WNT16: variants seen among roughly 807,000 people sequenced by gnomAD.
WNT16 encodes Wnt family member 16, also known as protein Wnt-16.
WNT16 carries 20 observed loss-of-function variants against 35.4 expected under a neutral mutation model. That is an observed-to-expected ratio of 0.56 (90% CI 0.40 to 0.82). The LOEUF (loss-of-function observed/expected upper bound fraction) is 0.82. Among genes scored for constraint, WNT16 ranks in the 40% least tolerant of loss-of-function variants. WNT16 has a pLI of 0.00. For synonymous variants in WNT16, 180 were observed against 179.2 expected, an observed-to-expected ratio of 1.00 and a Z score of -0.03; for missense variants, 461 against 466.0, an observed-to-expected ratio of 0.99 and a Z score of 0.10.
chr7:121,335,733 A>G (rs965044242), intron 3 of WNT16, among the ~76,000 whole-genome samples: 2 of 151,958 alleles, frequency 1.3e-5, no homozygotes, highest in Non-Finnish European at 2.9e-5. Flanking sequence ...TGCATTTTCC[A>G]CTTTTATTTT....
intron 3 of WNT16, among the ~76,000 whole-genome samples, chr7:121,337,856 C>T (rs1793466104): frequency 6.6e-6 from 1 of 152,162 alleles, no homozygotes; most frequent in South Asian, 2.1e-4. Flanking sequence ...ACTTCTTAGT[C>T]TGTTTAAACT....
Position 121,339,421 on chromosome 7 carries a change from T to C in WNT16, c.*76T>C. ...GCAACCAGAGAGGTGCCCATCCCTGTGCAGCGCTAGTAAAGTTGACTCTTG... is the reference window on the plus strand; with the variant it reads ...GCAACCAGAGAGGTGCCCATCCCTGCGCAGCGCTAGTAAAGTTGACTCTTG... On this transcript the variant is annotated 3_prime_UTR_variant, in exon 4 of 4. Transcript: ENST00000222462. 7.3e-7 allele frequency: 1 copy of C among 1,366,828 alleles called. No homozygotes were observed. The highest frequency in any genetic ancestry group is 1.0e-6 in the Non-Finnish European group (1 of 999,448). 84.7% of individuals were successfully genotyped at this position (1,366,828 alleles called of 1,614,324 possible).
intron 3 of WNT16, among the ~76,000 whole-genome samples, chr7:121,333,973 T>G (rs1793395238): frequency 6.6e-6 from 1 of 152,028 alleles, no homozygotes. Context: ...TTTTTCAAAT[T>G]AGGTAGTAAT....
upstream of WNT16, among the ~76,000 whole-genome samples, chr7:121,326,214 C>T (rs181979545): frequency 8.2e-4 from 124 of 152,116 alleles, no homozygotes; most frequent in Non-Finnish European, 1.6e-3. Context: ...CAAATAAAGA[C>T]AGTAAGAGGG....
rs1414595885 is a variant in WNT16, at chr7:121,340,224, T to G, written c.*879T>G. On this transcript the variant is annotated 3_prime_UTR_variant, in exon 4 of 4. Coordinates refer to ENST00000222462, the MANE Select transcript of WNT16 (RefSeq NM_057168.2). The stretch of plus-strand genomic sequence containing the variant: ...GAGGTAAAAATATAATTTCATACAT[T>G]GTAAAGAAAAGCACCCTTTAAATGT... 1 of 152,130 alleles carries G rather than the reference T, an allele frequency of 6.6e-6. No homozygotes were observed. The highest frequency in any genetic ancestry group is 1.5e-5 in the Non-Finnish European group (1 of 68,008). The allele number at this position is 152,130 out of a possible 1,614,324, so 9.4% of individuals were successfully genotyped here. A position where few individuals can be genotyped will look rare whatever the true frequency, so the allele number is the denominator to read the frequency against.
At position 121,339,337 on chromosome 7, in the gene WNT16, T is replaced by C; in HGVS notation, c.1090T>C (p.Cys364Arg). The change falls in exon 4 of 4, where the codon TGC (cysteine) becomes CGC (arginine). Residue 364 changes from cysteine to arginine, a missense_variant. By Grantham distance (180) the Cys-to-Arg change is radical (BLOSUM62 -3). Coordinates refer to ENST00000222462, the MANE Select transcript of WNT16 (RefSeq NM_057168.2). ...RCESMTDVHTCK is the reference protein window; with the variant it reads ...RCESMTDVHTRK ...TGAAAGCATGACTGATGTCCACACT[T>C]GCAAGTAACCACTCCATCCAGCCTT... 6.2e-7 allele frequency: 1 copy of C among 1,611,472 alleles called. No individual in the cohort carries two copies. Among genetic ancestry groups the C allele is most frequent in the Non-Finnish European group, 8.5e-7 (1 of 1,179,214 alleles).
At chr7:121,338,732 C>A in intron 3 of WNT16, 149 bp from the exon 4 acceptor site, 1 of 752,438 alleles carries the variant, frequency 1.3e-6, no homozygotes, top group Non-Finnish European at 2.1e-6. Context: ...GAAGCCTACG[C>A]AATTTTAAAG....
Position 121,331,847 on chromosome 7 carries a change from C to T in WNT16, c.516C>T (p.Val172=). The change falls in exon 3 of 4, where the codon GTC becomes GTT. Residue 172 remains valine, a synonymous_variant. Coordinates refer to ENST00000222462, the MANE Select transcript of WNT16 (RefSeq NM_057168.2). ...ACTGGGGGGGCTGCTCCGATGATGT[C>T]CAGTATGGCATGTGGTTCAGCAGAA... ...GWHWGGCSDD[V]QYGMWFSRKF... The T allele has an allele frequency of 6.2e-7, 1 of 1,614,144 alleles. No homozygotes were observed. Among genetic ancestry groups the T allele is most frequent in the South Asian group, 1.1e-5 (1 of 91,086 alleles).
upstream of WNT16, chr7:121,325,379 C>T (rs752483739): frequency 6.2e-7 from 1 of 1,603,162 alleles, no homozygotes; most frequent in Non-Finnish European, 8.5e-7. Context: ...CCTGCAAAAA[C>T]CACAGAGGGC....
Position 121,339,030 on chromosome 7 carries a change from C to T in WNT16, c.783C>T (p.Asp261=), listed in dbSNP as rs980096204. Reference sequence around the variant, plus strand: ...ATGAAAACAGTATCCAGATATCAGACAAAACAAAGAGGAAAATGCGCAGGA... The same window carrying T: ...ATGAAAACAGTATCCAGATATCAGATAAAACAAAGAGGAAAATGCGCAGGA... ...DKYENSIQIS[D]KTKRKMRRRE... The change falls in exon 4 of 4, where the codon GAC becomes GAT. Residue 261 remains aspartate (D), a synonymous_variant. Transcript: ENST00000222462. 3 of 1,613,940 alleles carry T rather than the reference C, an allele frequency of 1.9e-6. No homozygotes were observed. The highest frequency in any genetic ancestry group is 1.3e-5 in the African/African-American group (1 of 74,970).
In WNT16 at chr7:121,329,556, G is replaced by C; in HGVS notation, c.96-11G>C. 2 of 1,612,876 alleles carry C rather than the reference G, an allele frequency of 1.2e-6. No individual in the cohort carries two copies. Among genetic ancestry groups the C allele is most frequent in the Non-Finnish European group, 1.7e-6 (2 of 1,178,926 alleles). ...GAGCGGCTTAACGCTACGGGCGGCC[G>C]TGTCTTACAGGTGGTTGGGCATTGC... On this transcript the variant is annotated splice_polypyrimidine_tract_variant and intron_variant, in intron 1 of 3. Coordinates refer to ENST00000222462, the MANE Select transcript of WNT16 (RefSeq NM_057168.2).
At chr7:121,329,452 C>G (rs1376584543) in intron 1 of WNT16, 65 bp downstream of exon 1, 6 of 1,589,980 alleles carry the variant, frequency 3.8e-6, no homozygotes, top group African/African-American at 2.7e-5. Flanking sequence ...TCCTAGGGAA[C>G]TTTCAACTGA....
rs1793481125 is a variant in WNT16, at chr7:121,338,893, T to C, written c.646T>C (p.Leu216=). ...NEAGRQAVAK[L]MSVDCRCHGV... Reference sequence around the variant, plus strand: ...CTGTTGGTTTCAGGCTGTCGCCAAGTTGATGTCAGTAGACTGCCGCTGCCA... The same window carrying C: ...CTGTTGGTTTCAGGCTGTCGCCAAGCTGATGTCAGTAGACTGCCGCTGCCA... The change falls in exon 4 of 4, where the codon TTG becomes CTG. Residue 216 remains leucine (L), a synonymous_variant. Transcript: ENST00000222462. 1.9e-6 allele frequency: 3 copies of C among 1,612,412 alleles called. No homozygotes were observed. The highest frequency in any genetic ancestry group is 1.7e-5 in the Admixed American group (1 of 59,712).
chr7:121,331,370 G>A (rs540416569), intron 2 of WNT16, among the ~76,000 whole-genome samples: 29 of 152,264 alleles, frequency 1.9e-4, no homozygotes, highest in Admixed American at 1.8e-3. Flanking sequence ...ACTGTCAACT[G>A]TGCACTGAAC....
intron 3 of WNT16, among the ~76,000 whole-genome samples, chr7:121,334,863 T>G (rs1295346363): frequency 2.6e-5 from 4 of 152,088 alleles, no homozygotes; most frequent in African/African-American, 9.7e-5. Flanking sequence ...ATTTCCATTC[T>G]TCCCATGTCC....
chr7:121,332,536 C>T (rs999851017), intron 3 of WNT16, among the ~76,000 whole-genome samples: 1 of 152,046 alleles, frequency 6.6e-6, no homozygotes, highest in African/African-American at 2.4e-5. Context: ...TTCATTTCCC[C>T]CAATTTGAAT....
chr7:121,332,093 A>T, intron 3 of WNT16, 129 bp downstream of exon 3: 2 of 1,083,998 alleles, frequency 1.8e-6, no homozygotes, highest in Non-Finnish European at 2.6e-6. Flanking sequence ...GGGATCCTGA[A>T]AATTAATATT....
chr7:121,338,276 T>C (rs538068114), intron 3 of WNT16, among the ~76,000 whole-genome samples: 1 of 152,276 alleles, frequency 6.6e-6, no homozygotes, highest in African/African-American at 2.4e-5. Context: ...GAAATCAGAA[T>C]CTGAGAGGTT....
At chr7:121,336,091 A>G (rs974692403) in intron 3 of WNT16, among the ~76,000 whole-genome samples, 10 of 150,616 alleles carry the variant, frequency 6.6e-5, no homozygotes, top group African/African-American at 2.4e-4. Context: ...GCTTTATTCT[A>G]ATTCCAGATT....
Sources: gnomAD v4.1 joint callset for allele counts (sites outside exome capture counted in the v4.1 genomes callset) on GRCh38, gnomAD v4.1.1 for gene constraint, MANE v1.5 for transcripts, NCBI Gene and HGNC (gene_info 2026-07-23, HGNC 2026-07-21) for gene names.